The following NRG2 variants were observed in gnomAD, a reference collection of about 807,000 sequenced individuals.
The protein encoded by NRG2 is neuregulin 2.
Under a neutral mutation model 73.9 loss-of-function variants are expected in NRG2, and 27 were observed. The ratio of observed to expected loss-of-function variants is 0.37; its 90% CI spans 0.27 to 0.50. The LOEUF is 0.50. NRG2 is among the 20% of genes least tolerant of loss of function. The pLI, the probability that NRG2 is intolerant of heterozygous loss-of-function variation, is 0.96. For missense variants in NRG2, 1,126 were observed against 1,210.1 expected (o/e 0.93, Z 1.03); for synonymous variants, 532 against 541.0 (o/e 0.98, Z 0.23).
At chr5:139,866,108 C>T (rs537244080) in intron 4 of NRG2, among the ~76,000 whole-genome samples, 1 of 152,242 alleles carries the variant, frequency 6.6e-6, no homozygotes, top group Non-Finnish European at 1.5e-5. Context: ...AAGAAACAGC[C>T]CCCAGGAAAC....
chr5:140,016,982 G>A (rs921342993), intron 1 of NRG2, among the ~76,000 whole-genome samples: 1 of 152,190 alleles, frequency 6.6e-6, no homozygotes, highest in African/African-American at 2.4e-5. Flanking sequence ...TTGGAGCAGA[G>A]TAGGAGTGGC....
chr5:139,995,825 G>C (rs1757974320), intron 1 of NRG2, among the ~76,000 whole-genome samples: 1 of 152,050 alleles, frequency 6.6e-6, no homozygotes, highest in South Asian at 2.1e-4. Context: ...ACCAACCTGG[G>C]CAATAGAGCA....
At chr5:139,899,000 G>C (rs1228014520) in intron 1 of NRG2, among the ~76,000 whole-genome samples, 1 of 152,202 alleles carries the variant, frequency 6.6e-6, no homozygotes, top group Middle Eastern at 3.2e-3. Flanking sequence ...GATTCCTCTG[G>C]TTAGAGTTAG....
At chr5:139,866,203 G>A (rs1460428311) in intron 4 of NRG2, among the ~76,000 whole-genome samples, 1 of 152,220 alleles carries the variant, frequency 6.6e-6, no homozygotes, top group African/African-American at 2.4e-5. Context: ...TTCTTTCAAA[G>A]AGGGTTCTGT....
At chr5:139,994,018 T>C (rs1434702933) in intron 1 of NRG2, among the ~76,000 whole-genome samples, 2 of 152,194 alleles carry the variant, frequency 1.3e-5, no homozygotes, top group Admixed American at 6.5e-5. Context: ...AAAGTAATCT[T>C]ATTATAATGA....
At chr5:139,944,397 C>T (rs1753645346) in intron 1 of NRG2, among the ~76,000 whole-genome samples, 2 of 152,120 alleles carry the variant, frequency 1.3e-5, no homozygotes. Context: ...AAATCTCTGT[C>T]TATCCTTCCT....
chr5:139,866,303 G>A (rs564462757), intron 4 of NRG2, among the ~76,000 whole-genome samples: 3 of 152,206 alleles, frequency 2.0e-5, no homozygotes, highest in Non-Finnish European at 4.4e-5. Context: ...AGTTTCATAG[G>A]AGGAAATAGC....
intron 5 of NRG2, among the ~76,000 whole-genome samples, chr5:139,862,965 G>C (rs930232174): frequency 2.0e-5 from 3 of 152,258 alleles, no homozygotes; most frequent in Admixed American, 6.5e-5. Flanking sequence ...ATCTGGGCAG[G>C]TTGGACACTT....
chr5:140,020,000 G>T (rs557237168), intron 1 of NRG2, among the ~76,000 whole-genome samples: 1 of 152,050 alleles, frequency 6.6e-6, no homozygotes, highest in Non-Finnish European at 1.5e-5. Context: ...ATGTCCATCC[G>T]CCTCAGCCTC....
Position 139,853,488 on chromosome 5 carries a change from G to GTAGA in NRG2, c.1293-465_1293-462dup, listed in dbSNP as rs1462517893. On this transcript the variant is annotated intron_variant, in intron 6 of 9. Transcript: ENST00000361474. The surrounding 1 kb of genome is among the most constrained non-coding windows in gnomAD (Gnocchi z 4.1). ...GTTTTGGAGCAGAGACAATAGATAG[G>GTAGA]TAGATAGGGAATCCACCCTCCTGAA... is the stretch of plus-strand genomic sequence containing the variant. 6.6e-6 allele frequency among the ~76,000 whole-genome samples: 1 copy of GTAGA among 152,194 alleles called. No homozygotes were observed. The highest frequency in any genetic ancestry group is 2.4e-5 in the African/African-American group (1 of 41,438).
chr5:139,979,071 A>T (rs1756595381), intron 1 of NRG2, among the ~76,000 whole-genome samples: 1 of 112,736 alleles, frequency 8.9e-6, no homozygotes, highest in Admixed American at 1.3e-4. Context: ...AGCATCACAC[A>T]CCGGGGCCTG....
chr5:139,896,901 G>A (rs1294437654), intron 1 of NRG2, among the ~76,000 whole-genome samples: 1 of 152,206 alleles, frequency 6.6e-6, no homozygotes, highest in Admixed American at 6.5e-5. Context: ...TGTAGAGAAA[G>A]GCCGCCCACC....
chr5:139,947,569 C>T (rs73271481), intron 1 of NRG2, among the ~76,000 whole-genome samples: 3,984 of 152,234 alleles, frequency 0.026, 191 homozygotes, highest in African/African-American at 0.091. Flanking sequence ...TAAAGACATA[C>T]GTTTTCATTT....
intron 1 of NRG2, among the ~76,000 whole-genome samples, chr5:139,978,976 A>G (rs1756584529): frequency 6.6e-6 from 1 of 151,460 alleles, no homozygotes; most frequent in Non-Finnish European, 1.5e-5. Context: ...TCAGCAAACT[A>G]TCACAAGGAC....
At chr5:139,872,079 G>T (rs923156209) in intron 3 of NRG2, among the ~76,000 whole-genome samples, 2 of 152,192 alleles carry the variant, frequency 1.3e-5, no homozygotes, top group African/African-American at 4.8e-5. Flanking sequence ...ACTTCCAAAG[G>T]CCAGGAAGAT....
At chr5:140,013,788 C>T (rs1208550596) in intron 1 of NRG2, among the ~76,000 whole-genome samples, 1 of 152,198 alleles carries the variant, frequency 6.6e-6, no homozygotes, top group African/African-American at 2.4e-5. Context: ...TAGTACTCAT[C>T]TAACTTGACC....
chr5:139,944,613 T>C (rs1753666595), intron 1 of NRG2, among the ~76,000 whole-genome samples: 1 of 152,224 alleles, frequency 6.6e-6, no homozygotes, highest in Non-Finnish European at 1.5e-5. Context: ...GGCTGAATAG[T>C]ATTCCATTGT....
chr5:139,959,085 C>T (rs1368458816), intron 1 of NRG2, among the ~76,000 whole-genome samples: 1 of 152,200 alleles, frequency 6.6e-6, no homozygotes, highest in African/African-American at 2.4e-5. Flanking sequence ...AATAGGTAGC[C>T]ATCTGTGGCT....
intron 1 of NRG2, among the ~76,000 whole-genome samples, chr5:139,900,798 CT>C (rs1764835612): frequency 6.6e-6 from 1 of 152,232 alleles, no homozygotes; most frequent in Non-Finnish European, 1.5e-5. Flanking sequence ...CATTTTGGTG[CT>C]GCCCTAATGT....
Sources: gnomAD v4.1 joint callset for allele counts (sites outside exome capture counted in the v4.1 genomes callset) on GRCh38, gnomAD v4.1.1 for gene constraint, Gnocchi (gnomAD v3.1) non-coding constraint, MANE v1.5 for transcripts, NCBI Gene and HGNC (gene_info 2026-07-23, HGNC 2026-07-21) for gene names.